GUCD1: variants seen among roughly 807,000 people sequenced by gnomAD.
GUCD1 encodes protein GUCD1.
In GUCD1, 17 loss-of-function variants were observed where a neutral mutation model predicts 28.3. The ratio of observed to expected loss-of-function variants is 0.60; its 90% confidence interval spans 0.41 to 0.90. The LOEUF is 0.90. GUCD1 is among the 40% of genes least tolerant of loss of function. GUCD1 has a pLI of 0.00. For missense variants in GUCD1, 279 were observed against 305.5 expected, an observed-to-expected ratio of 0.91 and a Z score of 0.65; for synonymous variants, 129 against 123.3, an observed-to-expected ratio of 1.05 and a Z score of -0.30.
At chr22:24,550,736 T>G (rs1002466984) in intron 1 of GUCD1, among the ~76,000 whole-genome samples, 2 of 152,186 alleles carry the variant, frequency 1.3e-5, no homozygotes, top group South Asian at 4.1e-4. Context: ...CTACCAGGCT[T>G]TGAATCCCAA....
Position 24,540,761 on chromosome 22 carries a change from T to C in GUCD1, c.*2245A>G, listed in dbSNP as rs1359666509. On this transcript the variant is annotated 3_prime_UTR_variant, in exon 6 of 6. Coordinates refer to ENST00000435822, the MANE Select transcript of GUCD1 (RefSeq NM_001284254.2). The stretch of plus-strand genomic sequence containing the variant: ...CAGATGAGTCTTGAGAATGGGCAGC[T>C]TTCTCATTCATCTTTCAGGAAGGTG... The C allele has an allele frequency of 1.3e-5, 2 of 152,822 alleles. No individual in the cohort carries two copies. The highest frequency in any genetic ancestry group is 4.8e-5 in the African/African-American group (2 of 41,448). The allele number at this position is 152,822 out of a possible 1,614,324, so 9.5% of individuals were successfully genotyped here.
At chr22:24,549,096 C>T (rs1238640828) in intron 1 of GUCD1, 95 bp from the exon 2 acceptor site, 2 of 790,856 alleles carry the variant, frequency 2.5e-6, no homozygotes, top group Non-Finnish European at 2.1e-6. Flanking sequence ...TGCCTAGACC[C>T]TGCAGGGGCT....
chr22:24,553,953 G>A (rs1175385716), intron 1 of GUCD1, among the ~76,000 whole-genome samples: 1 of 152,272 alleles, frequency 6.6e-6, no homozygotes, highest in African/African-American at 2.4e-5. Flanking sequence ...GCTGCCTGGA[G>A]CCAAAGGGCT....
At chr22:24,547,176 C>T in intron 3 of GUCD1, 171 bp from the exon 4 acceptor site, 1 of 605,014 alleles carries the variant, frequency 1.7e-6, no homozygotes, top group Non-Finnish European at 3.0e-6. Context: ...AGCTGTCTGT[C>T]CTAAGCAGGA....
At chr22:24,550,938 A>G (rs2044855740) in intron 1 of GUCD1, among the ~76,000 whole-genome samples, 1 of 152,104 alleles carries the variant, frequency 6.6e-6, no homozygotes, top group African/African-American at 2.4e-5. Context: ...TGTGTTGCTT[A>G]TACGTTCCCA....
At chr22:24,544,119 GCCC>G (rs2044665808) in intron 4 of GUCD1, 36 bp from the exon 5 acceptor site, 1 of 1,593,696 alleles carries the variant, frequency 6.3e-7, no homozygotes, top group African/African-American at 1.3e-5. Context: ...GTGCTGCTGG[GCCC>G]CCATTCCCCA....
chr22:24,551,564 T>C (rs1326530071), intron 1 of GUCD1, among the ~76,000 whole-genome samples: 1 of 152,220 alleles, frequency 6.6e-6, no homozygotes, highest in Non-Finnish European at 1.5e-5. Context: ...CCCCAAGGCA[T>C]CTGCACGTGA....
At chr22:24,553,520 C>T (rs1313752478) in intron 1 of GUCD1, among the ~76,000 whole-genome samples, 2 of 152,206 alleles carry the variant, frequency 1.3e-5, no homozygotes, top group African/African-American at 4.8e-5. Context: ...AGACCTCATA[C>T]CTTGAGATGC....
rs769801437 is a variant in GUCD1 at position 24,543,990 on chromosome 22, G to A, written c.480C>T (p.Cys160=). 2.5e-6 allele frequency: 4 copies of A among 1,614,028 alleles called. No individual in the cohort carries two copies. Among genetic ancestry groups the A allele is most frequent in the Non-Finnish European group, 1.7e-6 (2 of 1,179,986 alleles). The change falls in exon 5 of 6, where the codon TGC becomes TGT. Residue 160 remains cysteine, a synonymous_variant. Transcript: ENST00000435822. ...VNSGVLHCDL[C]SSPVKYCCFT... is the part of the protein sequence containing the mutation. Reference sequence around the variant, plus strand: ...AGCAGCAGTACTTGACAGGGCTGGAGCACAGGTCACAGTGCAGCACCCCCG... The same window carrying A: ...AGCAGCAGTACTTGACAGGGCTGGAACACAGGTCACAGTGCAGCACCCCCG...
intron 5 of GUCD1, 58 bp from the exon 6 acceptor site, chr22:24,543,155 C>T: frequency 8.1e-7 from 1 of 1,230,676 alleles, no homozygotes; most frequent in Non-Finnish European, 1.2e-6. Flanking sequence ...GCACCTACAC[C>T]ACCGACACAG....
chr22:24,551,813 A>G (rs1256123069), intron 1 of GUCD1, among the ~76,000 whole-genome samples: 2 of 152,246 alleles, frequency 1.3e-5, no homozygotes, highest in African/African-American at 4.8e-5. Flanking sequence ...GTGCTATGGT[A>G]TCCTCTCCAA....
At chr22:24,549,754 C>T (rs1054151772) in intron 1 of GUCD1, among the ~76,000 whole-genome samples, 2 of 152,190 alleles carry the variant, frequency 1.3e-5, no homozygotes, top group Non-Finnish European at 2.9e-5. Flanking sequence ...GAACTCCTGA[C>T]CTCAGGTGAT....
At position 24,542,039 on chromosome 22, in the gene GUCD1, T is replaced by C. The variant is rs980998951; in HGVS notation, c.*967A>G. ...CAGGAACCCCTCTTCTCCATCAAGA[T>C]AGACAAGACCCAGTATCCTGTGCAA... On this transcript the variant is annotated 3_prime_UTR_variant, in exon 6 of 6. Transcript: ENST00000435822. 6.6e-6 allele frequency: 1 copy of C among 152,278 alleles called. No individual in the cohort carries two copies. Among genetic ancestry groups the C allele is most frequent in the African/African-American group, 2.4e-5 (1 of 41,464 alleles). The allele number at this position is 152,278 out of a possible 1,614,324, so 9.4% of individuals were successfully genotyped here.
At chr22:24,548,725 G>A (rs2044793062) in intron 2 of GUCD1, among the ~76,000 whole-genome samples, 192 bp downstream of exon 2, 1 of 152,226 alleles carries the variant, frequency 6.6e-6, no homozygotes. Context: ...TACTATCATG[G>A]AGAGCTGGAA....
intron 4 of GUCD1, among the ~76,000 whole-genome samples, chr22:24,546,531 T>C (rs2044732853): frequency 6.6e-6 from 1 of 152,182 alleles, no homozygotes. Flanking sequence ...CACTGGGTCC[T>C]CCCTGTTCCC....
intron 3 of GUCD1, chr22:24,547,673 G>C (rs747078517): frequency 1.6e-5 from 8 of 510,034 alleles, no homozygotes; most frequent in African/African-American, 3.8e-5. Flanking sequence ...AGGTGGACAG[G>C]AGCCAGGACT....
At chr22:24,546,514 C>T (rs975385905) in intron 4 of GUCD1, among the ~76,000 whole-genome samples, 1 of 152,164 alleles carries the variant, frequency 6.6e-6, no homozygotes, top group African/African-American at 2.4e-5. Flanking sequence ...TCACAGCAGC[C>T]CTTACACACT....
At chr22:24,550,086 G>A (rs2147092641) in intron 1 of GUCD1, among the ~76,000 whole-genome samples, 1 of 152,380 alleles carries the variant, frequency 6.6e-6, no homozygotes, top group East Asian at 1.9e-4. Flanking sequence ...GGAGCAGAAA[G>A]GGCCTGACCT....
At chr22:24,553,824 G>C (rs773598981) in intron 1 of GUCD1, among the ~76,000 whole-genome samples, 3 of 152,230 alleles carry the variant, frequency 2.0e-5, no homozygotes, top group Admixed American at 2.0e-4. Flanking sequence ...CTCCAGCCTC[G>C]GCAAGGGCGG....
Sources: allele counts gnomAD v4.1 joint callset (sites outside exome capture counted in the v4.1 genomes callset), GRCh38; gene constraint gnomAD v4.1.1; transcripts MANE v1.5; gene names NCBI Gene and HGNC (gene_info 2026-07-23, HGNC 2026-07-21).